The following ST3GAL2 variants were observed in gnomAD, a reference collection of about 807,000 sequenced individuals.
ST3GAL2 encodes the protein ST3 beta-galactoside alpha-2,3-sialyltransferase 2.
ST3GAL2 carries 16 observed loss-of-function variants against 37.5 expected under a neutral mutation model. The observed-to-expected ratio is 0.43, with a 90% confidence interval of 0.29 to 0.65. The LOEUF is 0.65. Ranked by LOEUF, ST3GAL2 falls within the 30% of genes least tolerant of loss-of-function variation. The pLI, the probability that ST3GAL2 is intolerant of heterozygous loss-of-function variation, is 0.17. For missense variants in ST3GAL2, 383 were observed against 487.8 expected (o/e 0.79, Z 2.02); for synonymous variants, 238 against 202.9 (o/e 1.17, Z -1.47).
At chr16:70,408,893 A>AAC in intron 1 of ST3GAL2, among the ~76,000 whole-genome samples, 1 of 35,434 alleles carries the variant, frequency 2.8e-5, no homozygotes, top group African/African-American at 1.7e-4. Context: ...AAAGAAACAA[A>AAC]AAAAAAAAAA....
At position 70,398,543 on chromosome 16, in the gene ST3GAL2, C is replaced by T. The variant is rs767852990; in HGVS notation, c.-13G>A. On this transcript the variant is annotated 5_prime_UTR_variant, in exon 2 of 7. Coordinates refer to ENST00000342907, the MANE Select transcript of ST3GAL2 (RefSeq NM_006927.4). ...GGGAGCACTTCATGGTGCCGGCAGG[C>T]GGGTGACGGTCACCGTGGCCACTCT... is the stretch of plus-strand genomic sequence containing the variant. The T allele has an allele frequency of 8.2e-6, 13 of 1,576,772 alleles. No individual in the cohort carries two copies. Among genetic ancestry groups the T allele is most frequent in the African/African-American group, 4.0e-5 (3 of 74,094 alleles).
At position 70,377,855 on chromosome 16, in the gene ST3GAL2, A is replaced by C. The variant is rs1233389383; in HGVS notation, c.*3834T>G. ...AAAAAATATAAGCAACCAGGAGTGAAACACACCTGTGGAGGCAGGGAACTC... is the reference window on the plus strand; with the variant it reads ...AAAAAATATAAGCAACCAGGAGTGACACACACCTGTGGAGGCAGGGAACTC... On this transcript the variant is annotated 3_prime_UTR_variant, in exon 7 of 7. Transcript: ENST00000342907. 6.6e-6 allele frequency: 1 copy of C among 152,096 alleles called. No individual in the cohort carries two copies. The highest frequency in any genetic ancestry group is 2.4e-5 in the African/African-American group (1 of 41,422). The allele number at this position is 152,096 out of a possible 1,614,324, so 9.4% of individuals were successfully genotyped here.
intron 1 of ST3GAL2, among the ~76,000 whole-genome samples, chr16:70,404,521 C>T (rs1169644853): frequency 6.6e-6 from 1 of 152,156 alleles, no homozygotes; most frequent in African/African-American, 2.4e-5. Flanking sequence ...ATCAGGGTGG[C>T]TGTAACCAAC....
intron 1 of ST3GAL2, among the ~76,000 whole-genome samples, chr16:70,410,378 G>A (rs564769224): frequency 3.7e-4 from 55 of 147,786 alleles, no homozygotes; most frequent in African/African-American, 1.2e-3. Flanking sequence ...AGCCTCCCCC[G>A]TAGCTGGGAC....
In ST3GAL2 at chr16:70,434,441, C is replaced by CA. The variant is rs932619756; in HGVS notation, c.-1004+4507dup. 2.1e-3 allele frequency among the ~76,000 whole-genome samples: 295 copies of CA among 138,360 alleles called. 2 individuals carry two copies. Among genetic ancestry groups the CA allele is most frequent in the Middle Eastern group, 7.5e-3 (2 of 266 alleles). The allele number at this position is 138,360 out of a possible 152,430, so 90.8% of individuals were successfully genotyped here. A position where few individuals can be genotyped will look rare whatever the true frequency, so the allele number is the denominator to read the frequency against. On this transcript the variant is annotated intron_variant, in intron 1 of 6. Coordinates refer to ENST00000342907, the MANE Select transcript of ST3GAL2 (RefSeq NM_006927.4). ...ACAGAACGAGACTCCATCTCAAAAA[C>CA]AAAAAAAAAAAAATTCAGACTTTTG...
intron 1 of ST3GAL2, among the ~76,000 whole-genome samples, chr16:70,406,568 G>A (rs1407266707): frequency 6.6e-6 from 1 of 151,772 alleles, no homozygotes; most frequent in Non-Finnish European, 1.5e-5. Context: ...GATCTCCTGA[G>A]GTTAGGAGTT....
chr16:70,413,552 C>G (rs1479959051), intron 1 of ST3GAL2, among the ~76,000 whole-genome samples: 2 of 39,144 alleles, frequency 5.1e-5, no homozygotes, highest in African/African-American at 3.7e-4. Flanking sequence ...CCGTCTCTAT[C>G]AAAAATACAA....
At chr16:70,431,308 C>T (rs1193552869) in intron 1 of ST3GAL2, among the ~76,000 whole-genome samples, 1 of 152,238 alleles carries the variant, frequency 6.6e-6, no homozygotes, top group Non-Finnish European at 1.5e-5. Context: ...TTTTCTCCCT[C>T]CAAAGGCTGC....
intron 1 of ST3GAL2, among the ~76,000 whole-genome samples, chr16:70,405,540 TAAAAAAAAAAAAAAAA>T (rs58998342): frequency 6.9e-5 from 7 of 101,486 alleles, no homozygotes; most frequent in African/African-American, 1.9e-4. Flanking sequence ...GACTCCGTCT[TAAAAAAAAAAAAAAAA>T]AAAAAAAAAA....
intron 1 of ST3GAL2, among the ~76,000 whole-genome samples, chr16:70,431,427 C>T (rs1218786098): frequency 6.6e-6 from 1 of 152,218 alleles, no homozygotes; most frequent in Non-Finnish European, 1.5e-5. Flanking sequence ...ACCTCAGGGT[C>T]CCCTCTCTGC....
chr16:70,394,146 T>A (rs1181655564), intron 3 of ST3GAL2, among the ~76,000 whole-genome samples: 2 of 152,180 alleles, frequency 1.3e-5, no homozygotes, highest in Non-Finnish European at 2.9e-5. Context: ...CGGTCAAGAC[T>A]GAACGCCCTC....
At chr16:70,389,686 C>T (rs945549991) in intron 3 of ST3GAL2, among the ~76,000 whole-genome samples, 1 of 152,114 alleles carries the variant, frequency 6.6e-6, no homozygotes, top group Non-Finnish European at 1.5e-5. Flanking sequence ...GGATGGTCTC[C>T]ATCTACTGAC....
chr16:70,411,183 G>A (rs1567673241), intron 1 of ST3GAL2, among the ~76,000 whole-genome samples: 1 of 151,964 alleles, frequency 6.6e-6, no homozygotes, highest in Non-Finnish European at 1.5e-5. Flanking sequence ...TCAGGAGTTC[G>A]AGACCAGCCT....
At chr16:70,417,821 C>T (rs28600269) in intron 1 of ST3GAL2, among the ~76,000 whole-genome samples, 161 of 127,570 alleles carry the variant, frequency 1.3e-3, no homozygotes, top group African/African-American at 4.3e-3. Context: ...GCTGGGGGGG[C>T]GGGGGGAATG....
At position 70,410,814 on chromosome 16, in the gene ST3GAL2, T is replaced by G. The variant is rs1390689673; in HGVS notation, c.-1003-11281A>C. Among the ~76,000 whole-genome samples the G allele has an allele frequency of 4.6e-5, 7 of 150,598 alleles. No individual in the cohort carries two copies. In the South Asian group the frequency reaches 6.3e-4, roughly 14 times the overall value. The stretch of plus-strand genomic sequence containing the variant: ...AAAAGCCCATTTAGATCCTGTTTTT[T>G]TTTTTTTTTTTTGTCTCTGTGTTTT... On this transcript the variant is annotated intron_variant, in intron 1 of 6. Coordinates refer to ENST00000342907, the MANE Select transcript of ST3GAL2 (RefSeq NM_006927.4).
At chr16:70,405,054 A>G (rs1325683776) in intron 1 of ST3GAL2, among the ~76,000 whole-genome samples, 1 of 151,762 alleles carries the variant, frequency 6.6e-6, no homozygotes, top group Admixed American at 6.6e-5. Flanking sequence ...AAAACACCTC[A>G]TACACAAATG....
rs1160368910 is a variant in ST3GAL2, at chr16:70,389,202, C to CAAAAAAAAAAAAAAAAAAAAAAA, written c.534-679_534-657dup. Among the ~76,000 whole-genome samples the CAAAAAAAAAAAAAAAAAAAAAAA allele has an allele frequency of 4.4e-4, 12 of 27,374 alleles. 1 individual carries two copies. Among genetic ancestry groups the CAAAAAAAAAAAAAAAAAAAAAAA allele is most frequent in the Admixed American group, 1.8e-3 (3 of 1,662 alleles). The allele number at this position is 27,374 out of a possible 152,430, so 18.0% of individuals were successfully genotyped here. On this transcript the variant is annotated intron_variant, in intron 3 of 6. Coordinates refer to ENST00000342907, the MANE Select transcript of ST3GAL2 (RefSeq NM_006927.4). ...AGACCACGGTGAAACCCCATCTCTA[C>CAAAAAAAAAAAAAAAAAAAAAAA]AAAAAAAAAAAAAAAAAAAAAAAAA... is the stretch of plus-strand genomic sequence containing the variant.
intron 1 of ST3GAL2, among the ~76,000 whole-genome samples, chr16:70,430,871 A>G (rs2047785104): frequency 6.6e-6 from 1 of 151,996 alleles, no homozygotes; most frequent in Non-Finnish European, 1.5e-5. Flanking sequence ...TTTCTTGTGT[A>G]GCCTAGGGAC....
intron 3 of ST3GAL2, among the ~76,000 whole-genome samples, chr16:70,388,804 G>A (rs1462152623): frequency 6.6e-6 from 1 of 151,916 alleles, no homozygotes; most frequent in Non-Finnish European, 1.5e-5. Flanking sequence ...GCTCACACAT[G>A]TAATCCAGGC....
Sources: gnomAD v4.1 joint callset for allele counts (sites outside exome capture counted in the v4.1 genomes callset) on GRCh38, gnomAD v4.1.1 for gene constraint, MANE v1.5 for transcripts, NCBI Gene and HGNC (gene_info 2026-07-23, HGNC 2026-07-21) for gene names.